Variants in CLYBL observed in about 807,000 individuals in gnomAD.
CLYBL encodes the protein citramalyl-CoA lyase, also known as citramalyl-CoA lyase, mitochondrial.
CLYBL carries 31 observed loss-of-function variants against 38.9 expected under a neutral mutation model. The ratio of observed to expected loss-of-function variants is 0.80; its 90% CI spans 0.60 to 1.08. The LOEUF is 1.08. Among genes scored for constraint, CLYBL ranks in the 50% least tolerant of loss-of-function variants. The pLI is 0.00. For missense variants in CLYBL, 434 were observed against 411.6 expected (o/e 1.05, Z -0.47); for synonymous variants, 171 against 158.6 (o/e 1.08, Z -0.59).
chr13:99,880,808 G>A (rs1051144831), intron 7 of CLYBL, among the ~76,000 whole-genome samples: 1 of 152,234 alleles, frequency 6.6e-6, no homozygotes, highest in African/African-American at 2.4e-5. Context: ...GCCTCTGAGT[G>A]ACAGCCAGAG....
intron 2 of CLYBL, among the ~76,000 whole-genome samples, chr13:99,783,505 G>C (rs555177175): frequency 6.6e-6 from 1 of 151,626 alleles, no homozygotes; most frequent in Admixed American, 6.6e-5. Flanking sequence ...CACCCAGGCC[G>C]GAGTGCAGTG....
rs565120626 is a variant in CLYBL at position 99,711,794 on chromosome 13, C to T, written c.63-61030C>T. Among the ~76,000 whole-genome samples, 977 of 151,760 alleles carry T rather than the reference C, an allele frequency of 6.4e-3. 3 individuals carry two copies. Among genetic ancestry groups the T allele is most frequent in the Non-Finnish European group, 0.011 (753 of 67,944 alleles). On this transcript the variant is annotated intron_variant, in intron 1 of 8. Coordinates refer to ENST00000339105, the MANE Select transcript of CLYBL (RefSeq NM_206808.5). ...CCAGTGGTGCCATCTTGGCTCACGG[C>T]AACCTTCACCTCCTGGGTTCAAGCG... is the stretch of plus-strand genomic sequence containing the variant.
At position 99,849,779 on chromosome 13, in the gene CLYBL, C is replaced by T. The variant is rs1013594526; in HGVS notation, c.250-9082C>T. On this transcript the variant is annotated intron_variant, in intron 2 of 8. Coordinates refer to ENST00000339105, the MANE Select transcript of CLYBL (RefSeq NM_206808.5). The surrounding 1 kb of genome is among the most constrained non-coding windows in gnomAD (Gnocchi z 4.9). ...AGAGGAGGAAGAGAGGGGAAGGTGA[C>T]GGATAGGGCTATGGCAGCAGAGAGC... Among the ~76,000 whole-genome samples the T allele has an allele frequency of 1.3e-5, 2 of 152,132 alleles. No individual in the cohort carries two copies. The highest frequency in any genetic ancestry group is 2.9e-5 in the Non-Finnish European group (2 of 68,034).
intron 1 of CLYBL, among the ~76,000 whole-genome samples, chr13:99,677,118 T>G (rs1010212863): frequency 6.6e-6 from 1 of 152,198 alleles, no homozygotes; most frequent in Non-Finnish European, 1.5e-5. Flanking sequence ...TTTTATTTTT[T>G]CTGTTCCTGG....
chr13:99,654,256 G>A (rs957070436), intron 1 of CLYBL, among the ~76,000 whole-genome samples: 1 of 152,174 alleles, frequency 6.6e-6, no homozygotes, highest in Admixed American at 6.5e-5. Context: ...CTCTCCCTGG[G>A]TCCATCCTAG....
At chr13:99,857,653 C>T (rs964387802) in intron 2 of CLYBL, among the ~76,000 whole-genome samples, 12 of 152,210 alleles carry the variant, frequency 7.9e-5, no homozygotes, top group Admixed American at 3.9e-4. Flanking sequence ...CTTCTCCCCG[C>T]TCATAGACCC....
chr13:99,854,129 C>T (rs1028438818), intron 2 of CLYBL, among the ~76,000 whole-genome samples: 1 of 152,080 alleles, frequency 6.6e-6, no homozygotes, highest in African/African-American at 2.4e-5. Context: ...AAAGTCTTTC[C>T]TATTTCTTAA....
In CLYBL at chr13:99,643,354, A is replaced by G. The variant is rs532543757; in HGVS notation, c.62+36597A>G. On this transcript the variant is annotated intron_variant, in intron 1 of 8. Transcript: ENST00000339105. ...ACAGATCTTCAGGCTTTTCATCAGC[A>G]TGATTTGCCATCTCTGTCTTTGTCA... is the stretch of plus-strand genomic sequence containing the variant. Among the ~76,000 whole-genome samples, 3 of 152,212 alleles carry G rather than the reference A, an allele frequency of 2.0e-5. No individual in the cohort carries two copies. In the South Asian group the frequency reaches 6.2e-4, roughly 32 times the overall value.
chr13:99,799,577 G>C (rs558566569), intron 2 of CLYBL, among the ~76,000 whole-genome samples: 126 of 151,562 alleles, frequency 8.3e-4, no homozygotes, highest in African/African-American at 2.9e-3. Context: ...GCATATTATT[G>C]TGTTAGATAA....
intron 1 of CLYBL, among the ~76,000 whole-genome samples, chr13:99,764,678 A>T: frequency 6.6e-6 from 1 of 151,370 alleles, no homozygotes; most frequent in Non-Finnish European, 1.5e-5. Flanking sequence ...TTTGTATCTT[A>T]TCTTTTTTTA....
At position 99,630,450 on chromosome 13, in the gene CLYBL, G is replaced by T. The variant is rs146677819; in HGVS notation, c.62+23693G>T. 1.4e-3 allele frequency among the ~76,000 whole-genome samples: 213 copies of T among 152,334 alleles called. 4 individuals are homozygous for T. In the East Asian group the frequency reaches 0.031, roughly 22 times the overall value. On this transcript the variant is annotated intron_variant, in intron 1 of 8. Transcript: ENST00000339105. Reference sequence around the variant, plus strand: ...ATGACTATTTATAACACAGGCACCAGAGGGTTCAGAGACGTGCTAAAAGTG... The same window carrying T: ...ATGACTATTTATAACACAGGCACCATAGGGTTCAGAGACGTGCTAAAAGTG...
intron 2 of CLYBL, among the ~76,000 whole-genome samples, chr13:99,786,551 G>A (rs1566326793): frequency 2.0e-5 from 3 of 152,006 alleles, no homozygotes; most frequent in Admixed American, 2.0e-4. Flanking sequence ...CTTTTTTATG[G>A]CTGCATAGTA....
At chr13:99,807,327 T>C (rs1269588629) in intron 2 of CLYBL, among the ~76,000 whole-genome samples, 1 of 152,166 alleles carries the variant, frequency 6.6e-6, no homozygotes, top group Non-Finnish European at 1.5e-5. Flanking sequence ...AAGGTCTGAT[T>C]TGACGCAGAA....
At chr13:99,705,254 C>T (rs1052818948) in intron 1 of CLYBL, among the ~76,000 whole-genome samples, 1 of 152,072 alleles carries the variant, frequency 6.6e-6, no homozygotes, top group Non-Finnish European at 1.5e-5. Flanking sequence ...CACACACACA[C>T]ACACACGCAA....
chr13:99,662,931 G>C (rs2139337355), intron 1 of CLYBL, among the ~76,000 whole-genome samples: 1 of 152,336 alleles, frequency 6.6e-6, no homozygotes, highest in East Asian at 1.9e-4. Flanking sequence ...TGAGGTCCGA[G>C]ATGGTCACTG....
intron 2 of CLYBL, among the ~76,000 whole-genome samples, chr13:99,844,743 C>T (rs1028501604): frequency 6.6e-5 from 10 of 152,130 alleles, no homozygotes; most frequent in African/African-American, 1.9e-4. Flanking sequence ...GTTCTCATCT[C>T]GGGTCTACAC....
chr13:99,683,272 T>C (rs1594117890), intron 1 of CLYBL, among the ~76,000 whole-genome samples: 1 of 144,650 alleles, frequency 6.9e-6, no homozygotes, highest in Non-Finnish European at 1.5e-5. Flanking sequence ...AGTAGAGACA[T>C]GGTTTCACCA....
At chr13:99,721,195 C>A (rs2048387271) in intron 1 of CLYBL, among the ~76,000 whole-genome samples, 1 of 151,958 alleles carries the variant, frequency 6.6e-6, no homozygotes, top group Non-Finnish European at 1.5e-5. Context: ...AGGCACCCAC[C>A]ACCACGCCTG....
rs529815287 is a variant in CLYBL at position 99,761,103 on chromosome 13, C to T, written c.63-11721C>T. Among the ~76,000 whole-genome samples, 286 of 152,300 alleles carry T rather than the reference C, an allele frequency of 1.9e-3. 2 individuals are homozygous for T. Among genetic ancestry groups the T allele is most frequent in the African/African-American group, 6.6e-3 (275 of 41,552 alleles). On this transcript the variant is annotated intron_variant, in intron 1 of 8. Coordinates refer to ENST00000339105, the MANE Select transcript of CLYBL (RefSeq NM_206808.5). ...ATGCAGTGGCTCATGCCTGTAATCC[C>T]AGCACTTTGGGAGGCCGAGGCAGGC... is the stretch of plus-strand genomic sequence containing the variant.
Sources: gnomAD v4.1 joint callset for allele counts (sites outside exome capture counted in the v4.1 genomes callset) on GRCh38, gnomAD v4.1.1 for gene constraint, Gnocchi (gnomAD v3.1) non-coding constraint, MANE v1.5 for transcripts, NCBI Gene and HGNC (gene_info 2026-07-23, HGNC 2026-07-21) for gene names.